The following MAP4 variants were observed in gnomAD, a reference collection of about 807,000 sequenced individuals.
The protein encoded by MAP4 is microtubule associated protein 4.
Under a neutral mutation model 170.2 loss-of-function variants are expected in MAP4, and 76 were observed. The ratio of observed to expected loss-of-function variants is 0.45; its 90% CI spans 0.37 to 0.54. MAP4 has a LOEUF of 0.54. Ranked by LOEUF, MAP4 falls within the 20% of genes least tolerant of loss-of-function variation. MAP4 has a pLI of 0.00. For missense variants in MAP4, 2,506 were observed against 2,748.0 expected, an observed-to-expected ratio of 0.91 and a Z score of 1.97; for synonymous variants, 909 against 994.5, an observed-to-expected ratio of 0.91 and a Z score of 1.62.
intron 2 of MAP4, among the ~76,000 whole-genome samples, chr3:47,982,297 T>C (rs1397261065): frequency 1.3e-5 from 2 of 152,190 alleles, no homozygotes; most frequent in African/African-American, 4.8e-5. Context: ...CAGAAACATA[T>C]TAGCACAATC....
chr3:48,016,146 A>G (rs1243474187), intron 1 of MAP4, among the ~76,000 whole-genome samples, 188 bp downstream of exon 1: 1 of 152,196 alleles, frequency 6.6e-6, no homozygotes, highest in African/African-American at 2.4e-5. Context: ...TTCCTACATG[A>G]AAGAACACAC....
chr3:47,995,615 GC>G (rs1004060409), intron 2 of MAP4, among the ~76,000 whole-genome samples: 1 of 151,900 alleles, frequency 6.6e-6, no homozygotes, highest in Non-Finnish European at 1.5e-5. Context: ...GTTGTGGTCT[GC>G]CCCCCCTCCC....
intron 5 of MAP4, among the ~76,000 whole-genome samples, chr3:47,921,536 G>A (rs2153694861): frequency 6.6e-6 from 1 of 152,072 alleles, no homozygotes; most frequent in Middle Eastern, 3.4e-3. Flanking sequence ...AAAAAAATTT[G>A]TCATTCTTTA....
At position 47,918,727 on chromosome 3, in the gene MAP4, G is replaced by A. The variant is rs749823395; in HGVS notation, c.644C>T (p.Pro215Leu). The part of the protein sequence containing the change: ...SPEAVAEPPQ[P>L]TAVPLELAKE... ...AGTCTCTAATAGTTTACCTGCCGTTGGCTGAGGAGGTTCTGCAACAGCCTC... is the reference window on the plus strand; with the variant it reads ...AGTCTCTAATAGTTTACCTGCCGTTAGCTGAGGAGGTTCTGCAACAGCCTC... Residue 215 changes from proline (P) to leucine (L), a missense_variant, in exon 6 of 21, where the codon CCA becomes CTA. Coordinates refer to ENST00000683076, the MANE Select transcript of MAP4 (RefSeq NM_001385682.1). 1 of 1,609,730 alleles carries A rather than the reference G, an allele frequency of 6.2e-7. No individual in the cohort carries two copies. Among genetic ancestry groups the A allele is most frequent in the Non-Finnish European group, 8.5e-7 (1 of 1,176,324 alleles).
In MAP4 at chr3:47,960,481, G is replaced by A. The variant is rs113173593; in HGVS notation, c.292+17384C>T. 2.6e-3 allele frequency: 484 copies of A among 184,208 alleles called. 1 individual carries two copies. The highest frequency in any genetic ancestry group is 0.011 in the African/African-American group (465 of 42,028). The allele number at this position is 184,208 out of a possible 1,614,324, so 11.4% of individuals were successfully genotyped here. A position where few individuals can be genotyped will look rare whatever the true frequency, so the allele number is the denominator to read the frequency against. The stretch of plus-strand genomic sequence containing the variant: ...CATTGTTGGAGTTAGGTCATATCCT[G>A]CTAACAACAGTCTTATTGATCAGTT... On this transcript the variant is annotated intron_variant, in intron 3 of 20. Transcript: ENST00000683076.
chr3:48,007,956 CTCCTTTTGAGAG>C (rs2100103294), intron 1 of MAP4, among the ~76,000 whole-genome samples: 1 of 152,144 alleles, frequency 6.6e-6, no homozygotes, highest in East Asian at 1.9e-4. Context: ...GCTAACTACT[CTCCTTTTGAGAG>C]TCAGCTCTTG....
chr3:47,996,958 T>TA (rs1465822543), intron 2 of MAP4, among the ~76,000 whole-genome samples: 1 of 151,798 alleles, frequency 6.6e-6, no homozygotes, highest in Non-Finnish European at 1.5e-5. Flanking sequence ...ATTAAAAACA[T>TA]AAAAAATGCT....
At chr3:48,065,288 G>GT (rs1476289286) in intron 1 of MAP4, among the ~76,000 whole-genome samples, 5 of 152,112 alleles carry the variant, frequency 3.3e-5, no homozygotes, top group Non-Finnish European at 7.4e-5. Flanking sequence ...ACAACTTAAA[G>GT]TGTCATCTGT....
chr3:47,948,608 T>C (rs1445192657), intron 3 of MAP4, among the ~76,000 whole-genome samples: 1 of 151,882 alleles, frequency 6.6e-6, no homozygotes, highest in African/African-American at 2.4e-5. Context: ...GGTCAATCCA[T>C]GCTCTGGCAG....
rs1230900148 is a variant in MAP4, at chr3:47,855,788, G to A, written c.6584-428C>T. 6.6e-6 allele frequency among the ~76,000 whole-genome samples: 1 copy of A among 152,144 alleles called. No individual in the cohort carries two copies. The highest frequency in any genetic ancestry group is 1.5e-5 in the Non-Finnish European group (1 of 68,018). On this transcript the variant is annotated intron_variant, in intron 18 of 20. Transcript: ENST00000683076. This position sits in a 1 kb window ranked among gnomAD's most constrained non-coding sequence, Gnocchi z 5.1. The stretch of plus-strand genomic sequence containing the variant: ...ATGAATGCCCTGTCATCACGGCCAC[G>A]GTCCCTGCTTCCCAGCCGGTAAAAC...
intron 3 of MAP4, among the ~76,000 whole-genome samples, chr3:47,967,466 AC>A (rs1301743420): frequency 6.6e-6 from 1 of 152,248 alleles, no homozygotes; most frequent in East Asian, 1.9e-4. Flanking sequence ...AGCCTGGCCA[AC>A]ATGGTAAAAT....
intron 2 of MAP4, among the ~76,000 whole-genome samples, chr3:47,988,127 G>A (rs1238518210): frequency 6.6e-6 from 1 of 151,656 alleles, no homozygotes; most frequent in Admixed American, 6.6e-5. Context: ...CCGGGAGGCG[G>A]AGCTTGCAGT....
chr3:47,928,475 A>G, intron 3 of MAP4, 125 bp from the exon 4 acceptor site: 7 of 960,752 alleles, frequency 7.3e-6, no homozygotes, highest in Non-Finnish European at 1.1e-5. Context: ...AGTGTCTTAC[A>G]AGAAAACTTT....
chr3:47,991,877 G>C (rs1270716663), intron 2 of MAP4, among the ~76,000 whole-genome samples: 1 of 151,802 alleles, frequency 6.6e-6, no homozygotes, highest in Non-Finnish European at 1.5e-5. Context: ...CACCATGTTA[G>C]CCAGGCTGGT....
Position 47,871,235 on chromosome 3 carries a change from G to A in MAP4, c.5993C>T (p.Ser1998Phe). 1.2e-6 allele frequency: 2 copies of A among 1,614,210 alleles called. No individual in the cohort carries two copies. The highest frequency in any genetic ancestry group is 8.5e-7 in the Non-Finnish European group (1 of 1,180,012). The change falls in exon 14 of 21, where the codon TCT (serine) becomes TTT (phenylalanine). Residue 1998 changes from serine to phenylalanine, a missense_variant. By Grantham distance (155) the Ser-to-Phe change is radical (BLOSUM62 -2). Coordinates refer to ENST00000683076, the MANE Select transcript of MAP4 (RefSeq NM_001385682.1). ...PAEVKKMTAK[S>F]VPADLSRPKS... ...GGCGGATGGGCTATTACCTGGTACA[G>A]ACTTTGCAGTCATCTTCTTGACTTC...
intron 10 of MAP4, chr3:47,891,519 G>A: frequency 7.9e-6 from 12 of 1,515,634 alleles, no homozygotes; most frequent in African/African-American, 1.4e-5. Context: ...GGCTCTTCTC[G>A]GGCAGGGAGT....
intron 3 of MAP4, among the ~76,000 whole-genome samples, chr3:47,939,281 T>A (rs777919661): frequency 2.6e-5 from 4 of 152,190 alleles, no homozygotes; most frequent in African/African-American, 7.2e-5. Context: ...AGTCTTTTTT[T>A]AAAAAATTAA....
Position 47,855,354 on chromosome 3 carries a change from C to A in MAP4, c.6590G>T (p.Gly2197Val). The A allele has an allele frequency of 3.1e-6, 5 of 1,606,552 alleles. No homozygotes were observed. Among genetic ancestry groups the A allele is most frequent in the Non-Finnish European group, 4.3e-6 (5 of 1,173,092 alleles). Residue 2197 changes from glycine (G) to valine (V), a missense_variant, in exon 19 of 21, where the codon GGA becomes GTA. Gly to Val is a moderately radical substitution (Grantham distance 109, BLOSUM62 -3). Coordinates refer to ENST00000683076, the MANE Select transcript of MAP4 (RefSeq NM_001385682.1). The surrounding 1 kb of genome is among the most constrained non-coding windows in gnomAD (Gnocchi z 5.1). Reference protein sequence around the residue: ...KANIKHKPGGGDVKIESQKLN... With the variant: ...KANIKHKPGGVDVKIESQKLN... ...CTTCTGACTTTCAATCTTGACATCTCCTCCACCTGGAACCACAAAGGAACT... is the reference window on the plus strand; with the variant it reads ...CTTCTGACTTTCAATCTTGACATCTACTCCACCTGGAACCACAAAGGAACT...
At chr3:48,063,955 T>C (rs1196353803) in intron 1 of MAP4, among the ~76,000 whole-genome samples, 2 of 152,180 alleles carry the variant, frequency 1.3e-5, no homozygotes, top group East Asian at 1.9e-4. Flanking sequence ...GAGACAATTA[T>C]TACAGTGAAA....
Sources: allele counts gnomAD v4.1 joint callset (sites outside exome capture counted in the v4.1 genomes callset), GRCh38; gene constraint gnomAD v4.1.1; non-coding constraint Gnocchi (gnomAD v3.1); transcripts MANE v1.5; gene names NCBI Gene and HGNC (gene_info 2026-07-23, HGNC 2026-07-21).